Variants in PKHD1 observed in about 807,000 individuals in gnomAD.
PKHD1 encodes the protein fibrocystin.
In PKHD1, 291 loss-of-function variants were observed where a neutral mutation model predicts 412.0. The observed-to-expected ratio is 0.71, with a 90% CI of 0.64 to 0.78. The LOEUF (loss-of-function observed/expected upper bound fraction) is 0.78, where lower values mean the gene tolerates loss of function less well. Ranked by LOEUF, PKHD1 falls within the 30% of genes least tolerant of loss-of-function variation. The probability of loss-of-function intolerance (pLI) is 0.00; values close to 1 mark genes in which losing one functional copy is unlikely to be tolerated. For synonymous variants in PKHD1, 1,777 were observed against 1,821.5 expected, an observed-to-expected ratio of 0.98 and a Z score of 0.62; for missense variants, 4,825 against 4,950.7, an observed-to-expected ratio of 0.97 and a Z score of 0.76.
At chr6:52,084,582 C>T (rs1485763745) in intron 2 of PKHD1, among the ~76,000 whole-genome samples, 1 of 152,156 alleles carries the variant, frequency 6.6e-6, no homozygotes, top group Non-Finnish European at 1.5e-5. Context: ...CTCTGCACTA[C>T]AACAATAATC....
chr6:52,014,117 C>T (rs1234711555), intron 34 of PKHD1, among the ~76,000 whole-genome samples: 3 of 152,182 alleles, frequency 2.0e-5, no homozygotes, highest in Admixed American at 1.3e-4. Flanking sequence ...CATATCTCTC[C>T]GAGCTCATCT....
chr6:52,005,126 T>C lies in PKHD1; in HGVS notation c.5751+5183A>G, dbSNP rs1015222054. On this transcript the variant is annotated intron_variant, in intron 35 of 66. Coordinates refer to ENST00000371117, the MANE Select transcript of PKHD1 (RefSeq NM_138694.4). ...GTTTTTTGGGTTTCCCTGAACTCAA[T>C]CTCAGACAGAAAGCCACATTCCTTG... Among the ~76,000 whole-genome samples the C allele has an allele frequency of 5.9e-5, 9 of 152,254 alleles. No homozygotes were observed. In the South Asian group the frequency reaches 6.2e-4, roughly 11 times the overall value.
At chr6:51,872,186 AT>A (rs1452367399) in intron 46 of PKHD1, among the ~76,000 whole-genome samples, 6 of 151,842 alleles carry the variant, frequency 4.0e-5, no homozygotes, top group Non-Finnish European at 7.4e-5. Context: ...AGGGGAAAGA[AT>A]TATCAAAGAA....
In PKHD1 at chr6:51,748,112, C is replaced by T. The variant is rs889649722; in HGVS notation, c.9504G>A (p.Glu3168=). 9 of 1,613,812 alleles carry T rather than the reference C, an allele frequency of 5.6e-6. No homozygotes were observed. The African/African-American group carries it at 1.2e-4, about 22-fold the overall frequency. ...MLHVENSVEI[E]NITLVDNTIG... is the part of the protein sequence containing the mutation. Reference sequence around the variant, plus strand: ...TAGTATTGTCTACCAGAGTAATGTTCTCTATCTCCACGCTGTTCTCTACAT... The same window carrying T: ...TAGTATTGTCTACCAGAGTAATGTTTTCTATCTCCACGCTGTTCTCTACAT... Residue 3168 remains glutamate, a synonymous_variant, in exon 58 of 67, where the codon GAG becomes GAA. Transcript: ENST00000371117.
chr6:51,842,618 C>A (rs532789348), intron 50 of PKHD1, among the ~76,000 whole-genome samples: 6 of 152,214 alleles, frequency 3.9e-5, no homozygotes, highest in African/African-American at 1.2e-4. Context: ...TCTTCTCCTC[C>A]TGTTTTGGGC....
At position 52,051,051 on chromosome 6, in the gene PKHD1, G is replaced by C. The variant is rs377750045; in HGVS notation, c.2141-756C>G. On this transcript the variant is annotated intron_variant, in intron 21 of 66. Coordinates refer to ENST00000371117, the MANE Select transcript of PKHD1 (RefSeq NM_138694.4). ...TAAGGGCAACACCTTTGTCTAATTCGTCTTCTCATGCTTGATGCTTAGCAC... is the reference window on the plus strand; with the variant it reads ...TAAGGGCAACACCTTTGTCTAATTCCTCTTCTCATGCTTGATGCTTAGCAC... Among the ~76,000 whole-genome samples the C allele has an allele frequency of 8.4e-4, 128 of 152,324 alleles. 1 individual carries two copies. Among genetic ancestry groups the C allele is most frequent in the African/African-American group, 2.8e-3 (118 of 41,578 alleles).
intron 28 of PKHD1, among the ~76,000 whole-genome samples, chr6:52,034,636 G>C (rs1803645477): frequency 6.6e-6 from 1 of 152,030 alleles, no homozygotes; most frequent in Non-Finnish European, 1.5e-5. Context: ...AAAAGCTTTA[G>C]AATTTATATT....
intron 60 of PKHD1, among the ~76,000 whole-genome samples, chr6:51,702,521 C>T (rs191040555): frequency 6.6e-6 from 1 of 151,952 alleles, no homozygotes; most frequent in East Asian, 1.9e-4. Context: ...TCTCACAAAT[C>T]ACCTCTAAAG....
At chr6:51,766,245 C>G (rs1346784669) in intron 55 of PKHD1, among the ~76,000 whole-genome samples, 3 of 151,990 alleles carry the variant, frequency 2.0e-5, no homozygotes, top group African/African-American at 7.2e-5. Flanking sequence ...AAAAGCACAC[C>G]AAAGCATACC....
At chr6:51,898,323 C>T (rs1236205039) in intron 43 of PKHD1, among the ~76,000 whole-genome samples, 3 of 146,580 alleles carry the variant, frequency 2.0e-5, no homozygotes, top group African/African-American at 7.5e-5. Flanking sequence ...TCTCTCAGAC[C>T]ACAGTGCAAT....
intron 60 of PKHD1, among the ~76,000 whole-genome samples, chr6:51,726,150 G>T (rs1241942844): frequency 6.6e-6 from 1 of 152,146 alleles, no homozygotes; most frequent in African/African-American, 2.4e-5. Flanking sequence ...GGGTAAATGA[G>T]CTGCTTTTCT....
chr6:51,769,272 T>A (rs944843397), intron 55 of PKHD1, among the ~76,000 whole-genome samples: 2 of 151,658 alleles, frequency 1.3e-5, no homozygotes, highest in African/African-American at 4.8e-5. Context: ...TGGTATAAAT[T>A]TATGTGAGCC....
At chr6:51,740,362 G>C (rs1028680276) in intron 60 of PKHD1, among the ~76,000 whole-genome samples, 3 of 152,104 alleles carry the variant, frequency 2.0e-5, no homozygotes, top group African/African-American at 7.2e-5. Context: ...AGTAGTTTTT[G>C]TACGAACTTA....
At chr6:52,076,629 C>G (rs1811365673) in intron 5 of PKHD1, among the ~76,000 whole-genome samples, 1 of 152,234 alleles carries the variant, frequency 6.6e-6, no homozygotes. Flanking sequence ...TACCTGCCCA[C>G]CTTCCATACC....
chr6:51,887,205 TG>T lies in PKHD1; in HGVS notation c.7036del (p.His2346IlefsTer3). 1 of 1,613,432 alleles carries T rather than the reference TG, an allele frequency of 6.2e-7. No individual in the cohort carries two copies. The highest frequency in any genetic ancestry group is 8.5e-7 in the Non-Finnish European group (1 of 1,179,416). On this transcript the variant is annotated frameshift_variant, in exon 44 of 67. Coordinates refer to ENST00000371117, the MANE Select transcript of PKHD1 (RefSeq NM_138694.4). LOFTEE classifies it high-confidence loss of function. Reference sequence around the variant, plus strand: ...TTGTGATGTTTGGTTGGTCATGAGATGGAAAAAGTAGCCATAGCCAGCACCA... The same window carrying T: ...TTGTGATGTTTGGTTGGTCATGAGATGAAAAAGTAGCCATAGCCAGCACCA... ...VCGAGYGYFF[H>X]LMTNQTSQAP...
In PKHD1 at chr6:51,748,340, A is replaced by T; in HGVS notation, c.9276T>A (p.His3092Gln). The T allele has an allele frequency of 6.2e-7, 1 of 1,614,090 alleles. No homozygotes were observed. Among genetic ancestry groups the T allele is most frequent in the Non-Finnish European group, 8.5e-7 (1 of 1,179,974 alleles). Residue 3092 changes from histidine to glutamine, a missense_variant, in exon 58 of 67, where the codon CAT becomes CAA. Coordinates refer to ENST00000371117, the MANE Select transcript of PKHD1 (RefSeq NM_138694.4). ...KVNQVKDINLHGNVVAGSERL... is the reference protein window; with the variant it reads ...KVNQVKDINLQGNVVAGSERL... ...TCTCTGATCCTGCCACAACGTTGCC[A>T]TGGAGGTTGATGTCCTTTACCTGGT...
intron 52 of PKHD1, among the ~76,000 whole-genome samples, chr6:51,794,264 G>T (rs1190930679): frequency 3.3e-5 from 5 of 151,878 alleles, no homozygotes; most frequent in Non-Finnish European, 1.5e-5. Flanking sequence ...GTTTTGATTT[G>T]CATTTCTCTA....
At chr6:51,775,092 T>A (rs13201404) in intron 54 of PKHD1, among the ~76,000 whole-genome samples, 3 of 151,320 alleles carry the variant, frequency 2.0e-5, no homozygotes, top group Admixed American at 1.3e-4. Flanking sequence ...ATTTAAGCTG[T>A]GTGACAATAC....
intron 60 of PKHD1, among the ~76,000 whole-genome samples, chr6:51,709,176 T>C (rs1780355809): frequency 6.6e-6 from 1 of 152,204 alleles, no homozygotes; most frequent in African/African-American, 2.4e-5. Flanking sequence ...GACTATGAGC[T>C]CTTCAAAGTC....
Sources: gnomAD v4.1 joint callset for allele counts (sites outside exome capture counted in the v4.1 genomes callset) on GRCh38, gnomAD v4.1.1 for gene constraint, MANE v1.5 for transcripts, NCBI Gene and HGNC (gene_info 2026-07-23, HGNC 2026-07-21) for gene names.